Variants in INO80 observed in about 807,000 individuals in gnomAD.
The protein encoded by INO80 is chromatin-remodeling ATPase INO80.
INO80 carries 20 observed loss-of-function variants against 203.4 expected under a neutral mutation model. The observed-to-expected ratio is 0.10, with a 90% CI of 0.07 to 0.14. The LOEUF is 0.14. Ranked by LOEUF, INO80 falls within the 10% of genes least tolerant of loss-of-function variation. The pLI is 1.00. For synonymous variants in INO80, 726 were observed against 685.2 expected, an observed-to-expected ratio of 1.06 and a Z score of -0.93; for missense variants, 1,419 against 1,914.4, an observed-to-expected ratio of 0.74 and a Z score of 4.83.
chr15:41,114,286 A>C (rs981707723), intron 1 of INO80, among the ~76,000 whole-genome samples: 3 of 151,152 alleles, frequency 2.0e-5, no homozygotes, highest in African/African-American at 4.9e-5. Flanking sequence ...AAAAAAAAAA[A>C]CATTCATTTT....
intron 1 of INO80, among the ~76,000 whole-genome samples, chr15:41,107,098 G>C (rs2045891059): frequency 1.3e-5 from 2 of 152,186 alleles, no homozygotes; most frequent in African/African-American, 2.4e-5. Flanking sequence ...CGTTTAGCAA[G>C]GTTGTTTCAC....
At chr15:41,100,083 TTTTC>T (rs1242510004) in intron 1 of INO80, among the ~76,000 whole-genome samples, 1 of 152,066 alleles carries the variant, frequency 6.6e-6, no homozygotes, top group Non-Finnish European at 1.5e-5. Context: ...GAATATTTTC[TTTTC>T]TTTTTTTTTT....
chr15:41,087,086 T>G (rs1370691965), intron 6 of INO80, among the ~76,000 whole-genome samples: 3 of 152,042 alleles, frequency 2.0e-5, no homozygotes, highest in Admixed American at 2.0e-4. Flanking sequence ...CCTTCCTATC[T>G]GTGGGTTCCA....
intron 27 of INO80, among the ~76,000 whole-genome samples, chr15:41,009,969 T>C (rs2044109523): frequency 6.6e-6 from 1 of 152,134 alleles, no homozygotes; most frequent in Admixed American, 6.5e-5. Context: ...CCCTCTAATA[T>C]ATAAAATAGA....
At chr15:41,090,105 TATAAG>T (rs764208628) in intron 5 of INO80, among the ~76,000 whole-genome samples, 35 of 152,176 alleles carry the variant, frequency 2.3e-4, no homozygotes, top group Non-Finnish European at 3.7e-4. Flanking sequence ...ACAATGCATA[TATAAG>T]ATAAGGTATA....
intron 25 of INO80, among the ~76,000 whole-genome samples, 172 bp downstream of exon 25, chr15:41,027,424 T>A: frequency 6.6e-6 from 1 of 152,212 alleles, no homozygotes; most frequent in African/African-American, 2.4e-5. Context: ...ATATAAGTGT[T>A]GTCTGGGGCA....
chr15:41,031,997 GGA>G (rs2044487903), intron 24 of INO80, among the ~76,000 whole-genome samples: 3 of 90,654 alleles, frequency 3.3e-5, no homozygotes, highest in African/African-American at 1.2e-4. Context: ...GCACAGCACA[GGA>G]CAGCACAGCA....
At chr15:41,005,270 C>A in intron 28 of INO80, 1 of 173,116 alleles carries the variant, frequency 5.8e-6, no homozygotes, top group Non-Finnish European at 1.2e-5. Flanking sequence ...GGATTTTTTT[C>A]TACATACCTA....
Position 41,071,986 on chromosome 15 carries a change from C to G in INO80, c.1468G>C (p.Gly490Arg). Residue 490 changes from glycine to arginine, a missense_variant, in exon 12 of 36, where the codon GGG (glycine) becomes CGG (arginine). Coordinates refer to ENST00000648947, the MANE Select transcript of INO80 (RefSeq NM_017553.3). The stretch of plus-strand genomic sequence containing the variant: ...GCCAGGCTATAACTCTCCCCAAACC[C>G]AGTGCCAGACTTGTTTGCTGCCCGT... The part of the protein sequence containing the change: ...ALRAANKSGT[G>R]FGESYSLANP... 6.2e-7 allele frequency: 1 copy of G among 1,613,442 alleles called. No homozygotes were observed. The highest frequency in any genetic ancestry group is 8.5e-7 in the Non-Finnish European group (1 of 1,179,856).
chr15:40,981,269 T>A (rs1321413128), intron 35 of INO80, among the ~76,000 whole-genome samples: 1 of 152,218 alleles, frequency 6.6e-6, no homozygotes, highest in Non-Finnish European at 1.5e-5. Context: ...TGTGCTGCTC[T>A]ACCCCCTCTA....
intron 24 of INO80, among the ~76,000 whole-genome samples, chr15:41,035,539 AG>A (rs1182746893): frequency 6.6e-6 from 1 of 151,408 alleles, no homozygotes; most frequent in African/African-American, 2.4e-5. Context: ...AAAAAAAAAA[AG>A]ACCGGGCGCG....
chr15:41,085,288 T>A, intron 7 of INO80, 81 bp downstream of exon 7: 2 of 1,191,802 alleles, frequency 1.7e-6, no homozygotes, highest in Non-Finnish European at 2.5e-6. Context: ...TGTGAAAGTA[T>A]CTAGCTCTCA....
At position 41,021,144 on chromosome 15, in the gene INO80, A is replaced by G. The variant is rs375759246; in HGVS notation, c.3049-19T>C. The G allele has an allele frequency of 6.4e-6, 10 of 1,555,724 alleles. No individual in the cohort carries two copies. In the African/African-American group the frequency reaches 1.2e-4, roughly 19 times the overall value. On this transcript the variant is annotated intron_variant, in intron 25 of 35. Transcript: ENST00000648947. ...CGGTAACCTGCAGTTAAAGATTCACATGAGATGGCTCTTTCACGTTGTCCA... is the reference window on the plus strand; with the variant it reads ...CGGTAACCTGCAGTTAAAGATTCACGTGAGATGGCTCTTTCACGTTGTCCA...
At chr15:41,033,970 G>A (rs1335205518) in intron 24 of INO80, among the ~76,000 whole-genome samples, 1 of 152,134 alleles carries the variant, frequency 6.6e-6, no homozygotes, top group Admixed American at 6.6e-5. Flanking sequence ...GCTGAGGCAG[G>A]AGAATGGCGT....
At chr15:41,058,871 T>C (rs1403216586) in intron 15 of INO80, 90 bp from the exon 16 acceptor site, 5 of 1,232,002 alleles carry the variant, frequency 4.1e-6, no homozygotes, top group South Asian at 1.4e-5. Flanking sequence ...AGGGCCAAAA[T>C]GTTTAAGACA....
chr15:41,079,022 GT>G (rs1416716025), intron 9 of INO80, among the ~76,000 whole-genome samples: 2 of 152,262 alleles, frequency 1.3e-5, no homozygotes, highest in African/African-American at 4.8e-5. Flanking sequence ...GGTGCCTATA[GT>G]CCCAGCTACT....
intron 24 of INO80, among the ~76,000 whole-genome samples, chr15:41,042,922 C>G (rs1034560903): frequency 2.0e-5 from 3 of 152,114 alleles, no homozygotes; most frequent in Non-Finnish European, 4.4e-5. Flanking sequence ...CTTTCAGCTC[C>G]CCGTGGCCCA....
Position 41,059,907 on chromosome 15 carries a change from T to C in INO80, c.1802A>G (p.Asn601Ser), listed in dbSNP as rs757836662. The change falls in exon 15 of 36, where the codon AAT (asparagine) becomes AGT (serine). Residue 601 changes from asparagine to serine, a missense_variant. Physicochemically the swap from Asn to Ser is conservative, Grantham distance 46. Coordinates refer to ENST00000648947, the MANE Select transcript of INO80 (RefSeq NM_017553.3). ...TCTGATGACTTTTCTATCATGAGGA[T>C]TTCCCCAATATGGTAGCACCTAGAA... ...PKFKVLPYWG[N>S]PHDRKVIRRF... 1 of 1,611,322 alleles carries C rather than the reference T, an allele frequency of 6.2e-7. No homozygotes were observed. Among genetic ancestry groups the C allele is most frequent in the Non-Finnish European group, 8.5e-7 (1 of 1,178,078 alleles).
At chr15:40,982,684 CCGT>C (rs1893873258) in intron 35 of INO80, among the ~76,000 whole-genome samples, 175 bp downstream of exon 35, 1 of 152,202 alleles carries the variant, frequency 6.6e-6, no homozygotes, top group Non-Finnish European at 1.5e-5. Context: ...CAGCCCTGTA[CCGT>C]CAGGAGGGCA....
Sources: gnomAD v4.1 joint callset for allele counts (sites outside exome capture counted in the v4.1 genomes callset) on GRCh38, gnomAD v4.1.1 for gene constraint, MANE v1.5 for transcripts, NCBI Gene and HGNC (gene_info 2026-07-23, HGNC 2026-07-21) for gene names.